The following GALT variants were observed in gnomAD, a reference collection of about 807,000 sequenced individuals.
GALT encodes the protein UDP-glucose--hexose-1-phosphate uridylyltransferase.
A neutral mutation model predicts 55.4 loss-of-function variants in GALT; 42 were observed. The ratio of observed to expected loss-of-function variants is 0.76; its 90% CI spans 0.59 to 0.98. The LOEUF is 0.98. Ranked by LOEUF, GALT falls within the 50% of genes least tolerant of loss-of-function variation. GALT has a pLI of 0.00. For missense variants in GALT, 407 were observed against 495.7 expected (o/e 0.82, Z 1.70); for synonymous variants, 154 against 181.5 (o/e 0.85, Z 1.22).
chr9:34,649,301 A>T lies in GALT; in HGVS notation c.905-109A>T, dbSNP rs1821193858. 15 of 1,457,448 alleles carry T rather than the reference A, an allele frequency of 1.0e-5. No individual in the cohort carries two copies. In the South Asian group the frequency reaches 1.5e-4, roughly 15 times the overall value. The allele number at this position is 1,457,448 out of a possible 1,614,324, so 90.3% of individuals were successfully genotyped here. On this transcript the variant is annotated intron_variant, in intron 9 of 10. Transcript: ENST00000378842. ...CCTGCCAGCTCTTCTCAAGCAGGGG[A>T]TCCTGGGAGATGTAGTTTTCAGATA...
In GALT at chr9:34,647,847, C is replaced by A; in HGVS notation, c.393C>A (p.Phe131Leu). 6.2e-7 allele frequency: 1 copy of A among 1,614,208 alleles called. No homozygotes were observed. The highest frequency in any genetic ancestry group is 1.6e-4 in the Middle Eastern group (1 of 6,062). ...CACCACCCAGTAAGGTCATGTGCTT[C>A]CACCCCTGGTCGGATGTAACGCTGC... is the stretch of plus-strand genomic sequence containing the variant. ...SARGVCKVMC[F>L]HPWSDVTLPL... The change falls in exon 5 of 11, where the codon TTC becomes TTA. Residue 131 changes from phenylalanine (F) to leucine (L), a missense_variant. Physicochemically the swap from Phe to Leu is conservative, Grantham distance 22. Coordinates refer to ENST00000378842, the MANE Select transcript of GALT (RefSeq NM_000155.4). This position sits in a 1 kb window ranked among gnomAD's most constrained non-coding sequence, Gnocchi z 5.6.
At position 34,646,798 on chromosome 9, in the gene GALT, G is replaced by A. The variant is rs1821112895; in HGVS notation, c.82+12G>A. On this transcript the variant is annotated intron_variant, in intron 1 of 10. Coordinates refer to ENST00000378842, the MANE Select transcript of GALT (RefSeq NM_000155.4). ...CTTCCGGGCAAACGGTAACTGCACC[G>A]CGGCAGGGACTCGCTGGGGCGCGGA... The A allele has an allele frequency of 1.2e-6, 2 of 1,613,246 alleles. No individual in the cohort carries two copies. The highest frequency in any genetic ancestry group is 2.2e-5 in the South Asian group (2 of 91,080).
Position 34,647,801 on chromosome 9 carries a change from C to A in GALT, c.378-31C>A. 3 of 1,614,234 alleles carry A rather than the reference C, an allele frequency of 1.9e-6. No homozygotes were observed. Among genetic ancestry groups the A allele is most frequent in the Non-Finnish European group, 2.5e-6 (3 of 1,180,044 alleles). On this transcript the variant is annotated intron_variant, in intron 4 of 10. Coordinates refer to ENST00000378842, the MANE Select transcript of GALT (RefSeq NM_000155.4). The surrounding 1 kb of genome is among the most constrained non-coding windows in gnomAD (Gnocchi z 5.6). Reference sequence around the variant, plus strand: ...CCCGTAGCACAGCCAAGCCCTACCTCTCGGTTATCTTTTCTCCCGTCACCA... The same window carrying A: ...CCCGTAGCACAGCCAAGCCCTACCTATCGGTTATCTTTTCTCCCGTCACCA...
chr9:34,650,544 C>A lies in GALT; in HGVS notation c.*95C>A. On this transcript the variant is annotated 3_prime_UTR_variant, in exon 11 of 11. Coordinates refer to ENST00000378842, the MANE Select transcript of GALT (RefSeq NM_000155.4). ...CTTGAATCCTGGCCTGGAATTTGGG[C>A]AGATATAGCATTAATAAAACTGTGC... 9.4e-7 allele frequency: 1 copy of A among 1,068,196 alleles called. No homozygotes were observed. The highest frequency in any genetic ancestry group is 1.4e-6 in the Non-Finnish European group (1 of 698,590). The allele number at this position is 1,068,196 out of a possible 1,614,324, so 66.2% of individuals were successfully genotyped here.
At chr9:34,650,097 T>C (rs1821216330) in intron 10 of GALT, 1 of 437,536 alleles carries the variant, frequency 2.3e-6, no homozygotes, top group African/African-American at 2.0e-5. Context: ...CTGGGAAACA[T>C]AGGAAGCCCT....
intron 10 of GALT, chr9:34,649,909 G>T: frequency 3.5e-6 from 1 of 288,052 alleles, no homozygotes; most frequent in Non-Finnish European, 6.6e-6. Flanking sequence ...CCCACCCCCA[G>T]TGGGCCTGTG....
chr9:34,648,965 G>C lies in GALT; in HGVS notation c.821-33G>C. 6.2e-7 allele frequency: 1 copy of C among 1,613,858 alleles called. No individual in the cohort carries two copies. Among genetic ancestry groups the C allele is most frequent in the Non-Finnish European group, 8.5e-7 (1 of 1,179,960 alleles). On this transcript the variant is annotated intron_variant, in intron 8 of 10. Coordinates refer to ENST00000378842, the MANE Select transcript of GALT (RefSeq NM_000155.4). This position sits in a 1 kb window ranked among gnomAD's most constrained non-coding sequence, Gnocchi z 4.9. ...TTGCTCCCAGTAGGGTCAGCATCTG[G>C]ACCCCAGGCTGAGAGTCAGGCTCTG... is the stretch of plus-strand genomic sequence containing the variant.
rs1262535145 is a variant in GALT at position 34,648,217 on chromosome 9, C to G, written c.564+46C>G. 1 of 1,613,778 alleles carries G rather than the reference C, an allele frequency of 6.2e-7. No individual in the cohort carries two copies. The highest frequency in any genetic ancestry group is 8.5e-7 in the Non-Finnish European group (1 of 1,180,040). The stretch of plus-strand genomic sequence containing the variant: ...AGTGGGTTTCTTGGCTGAGTCTGAG[C>G]CAGCACTGTGGACATGGGAACAGGA... On this transcript the variant is annotated intron_variant, in intron 6 of 10. Coordinates refer to ENST00000378842, the MANE Select transcript of GALT (RefSeq NM_000155.4). The surrounding 1 kb of genome is among the most constrained non-coding windows in gnomAD (Gnocchi z 4.9).
chr9:34,649,561 G>C lies in GALT; in HGVS notation c.1056G>C (p.Glu352Asp). Residue 352 changes from glutamate to aspartate, a missense_variant, in exon 10 of 11, where the codon GAG becomes GAC. By Grantham distance (45) the Glu-to-Asp change is conservative. Transcript: ENST00000378842. ...AGGCTCAGAGGGACCTCACCCCTGAGCAGGTCAGGACTCAGAACAGTCTGG... is the reference window on the plus strand; with the variant it reads ...AGGCTCAGAGGGACCTCACCCCTGACCAGGTCAGGACTCAGAACAGTCTGG... Reference protein sequence around the residue: ...LAQAQRDLTPEQAAERLRALP... With the variant: ...LAQAQRDLTPDQAAERLRALP... 6.2e-7 allele frequency: 1 copy of C among 1,614,196 alleles called. No homozygotes were observed. Among genetic ancestry groups the C allele is most frequent in the Non-Finnish European group, 8.5e-7 (1 of 1,180,030 alleles).
chr9:34,648,752 GT>G lies in GALT; in HGVS notation c.688-9del, dbSNP rs1057452003. ...ACCTTGATGACTTCCTATCCATTCT[GT>G]CTTCCTAGGAACGTCTGGTCCTAAC... On this transcript the variant is annotated splice_polypyrimidine_tract_variant and intron_variant, in intron 7 of 10. Transcript: ENST00000378842. The surrounding 1 kb of genome is among the most constrained non-coding windows in gnomAD (Gnocchi z 4.9). 4.3e-6 allele frequency: 7 copies of G among 1,612,758 alleles called. No individual in the cohort carries two copies. The highest frequency in any genetic ancestry group is 5.9e-6 in the Non-Finnish European group (7 of 1,179,972).
Position 34,647,748 on chromosome 9 carries a change from G to A in GALT, c.377+43G>A, listed in dbSNP as rs766742012. On this transcript the variant is annotated intron_variant, in intron 4 of 10. Coordinates refer to ENST00000378842, the MANE Select transcript of GALT (RefSeq NM_000155.4). The surrounding 1 kb of genome is among the most constrained non-coding windows in gnomAD (Gnocchi z 5.6). ...CTCTTACAACTTTCAAACCAGAGTT[G>A]GAGACTCAGCATTGGGGTTCGGCCC... 1.2e-5 allele frequency: 19 copies of A among 1,614,050 alleles called. No homozygotes were observed. Among genetic ancestry groups the A allele is most frequent in the Non-Finnish European group, 1.5e-5 (18 of 1,179,898 alleles).
Position 34,646,832 on chromosome 9 carries a change from C to T in GALT, c.82+46C>T. On this transcript the variant is annotated intron_variant, in intron 1 of 10. Transcript: ENST00000378842. ...ACTCGCTGGGGCGCGGAGCCGAGCCCTCCCCTTCCTTAGGAAGCTTTCGTC... is the reference window on the plus strand; with the variant it reads ...ACTCGCTGGGGCGCGGAGCCGAGCCTTCCCCTTCCTTAGGAAGCTTTCGTC... The T allele has an allele frequency of 2.5e-6, 4 of 1,612,482 alleles. No individual in the cohort carries two copies. In the South Asian group the frequency reaches 3.3e-5, roughly 13 times the overall value.
intron 1 of GALT, 37 bp downstream of exon 1, chr9:34,646,823 A>G (rs754054744): frequency 6.2e-7 from 1 of 1,612,800 alleles, no homozygotes; most frequent in Non-Finnish European, 8.5e-7. Flanking sequence ...TGGGGCGCGG[A>G]GCCGAGCCCT....
intron 9 of GALT, 74 bp downstream of exon 9, chr9:34,649,155 C>T (rs1185480366): frequency 7.6e-6 from 11 of 1,454,726 alleles, no homozygotes; most frequent in Non-Finnish European, 1.1e-5. Flanking sequence ...TAGTGAACTG[C>T]AACCTCAAAG....
In GALT at chr9:34,647,950, C is replaced by G. The variant is rs367543257; in HGVS notation, c.496C>G (p.Pro166Ala). ...CACAGAGGAGCTGGGTGCCCAGTAC[C>G]CTTGGGTGCAGGTTTGTGAGGTCGC... is the stretch of plus-strand genomic sequence containing the variant. Reference protein sequence around the residue: ...SVTEELGAQYPWVQIFENKGA... With the variant: ...SVTEELGAQYAWVQIFENKGA... Residue 166 changes from proline (P) to alanine (A), a missense_variant, in exon 5 of 11, where the codon CCT becomes GCT. By Grantham distance (27) the Pro-to-Ala change is conservative. Transcript: ENST00000378842. The surrounding 1 kb of genome is among the most constrained non-coding windows in gnomAD (Gnocchi z 5.6). 1.2e-6 allele frequency: 2 copies of G among 1,614,056 alleles called. No homozygotes were observed. Among genetic ancestry groups the G allele is most frequent in the African/African-American group, 1.3e-5 (1 of 74,904 alleles).
chr9:34,647,634 A>C lies in GALT; in HGVS notation c.329-23A>C, dbSNP rs1821139195. On this transcript the variant is annotated intron_variant, in intron 3 of 10. Coordinates refer to ENST00000378842, the MANE Select transcript of GALT (RefSeq NM_000155.4). This position sits in a 1 kb window ranked among gnomAD's most constrained non-coding sequence, Gnocchi z 5.6. ...ACCTCTTGAGGGACTTCTGCTGCAG[A>C]GAGTGATACTCCTTTACCTCAGGAC... 1 of 1,614,156 alleles carries C rather than the reference A, an allele frequency of 6.2e-7. No individual in the cohort carries two copies. The highest frequency in any genetic ancestry group is 2.2e-5 in the East Asian group (1 of 44,880).
intron 9 of GALT, 101 bp from the exon 10 acceptor site, chr9:34,649,309 A>G: frequency 2.7e-6 from 4 of 1,484,760 alleles, no homozygotes; most frequent in Non-Finnish European, 3.7e-6. Context: ...GGATCCTGGG[A>G]GATGTAGTTT....
chr9:34,646,996 G>A, intron 1 of GALT, 93 bp from the exon 2 acceptor site: 2 of 1,608,154 alleles, frequency 1.2e-6, no homozygotes, highest in Non-Finnish European at 1.7e-6. Flanking sequence ...AGGGCCGAGA[G>A]GGCGCTCCCG....
Position 34,648,116 on chromosome 9 carries a change from T to C in GALT, c.509T>C (p.Ile170Thr), listed in dbSNP as rs111033839. ...ELGAQYPWVQIFENKGAMMGC... is the reference protein window; with the variant it reads ...ELGAQYPWVQTFENKGAMMGC... ...GAGCTCCGTATCCCTATCTGATAGATCTTTGAAAACAAAGGTGCCATGATG... is the reference window on the plus strand; with the variant it reads ...GAGCTCCGTATCCCTATCTGATAGACCTTTGAAAACAAAGGTGCCATGATG... Residue 170 changes from isoleucine (I) to threonine (T), a missense_variant and splice_region_variant, in exon 6 of 11, where the codon ATC (isoleucine) becomes ACC (threonine). Physicochemically the swap from Ile to Thr is moderately conservative, Grantham distance 89. Transcript: ENST00000378842. The surrounding 1 kb of genome is among the most constrained non-coding windows in gnomAD (Gnocchi z 4.9). 1 of 1,614,188 alleles carries C rather than the reference T, an allele frequency of 6.2e-7. No individual in the cohort carries two copies. The highest frequency in any genetic ancestry group is 8.5e-7 in the Non-Finnish European group (1 of 1,180,038).
Sources: allele counts gnomAD v4.1 joint callset, GRCh38; gene constraint gnomAD v4.1.1; non-coding constraint Gnocchi (gnomAD v3.1); transcripts MANE v1.5; gene names NCBI Gene and HGNC (gene_info 2026-07-23, HGNC 2026-07-21).